Variants in MDGA2 observed in about 807,000 individuals in gnomAD.
The protein encoded by MDGA2 is MAM domain containing glycosylphosphatidylinositol anchor 2.
Under a neutral mutation model 117.8 loss-of-function variants are expected in MDGA2, and 40 were observed. The ratio of observed to expected loss-of-function variants is 0.34; its 90% CI spans 0.26 to 0.44. The LOEUF (loss-of-function observed/expected upper bound fraction) is 0.44, where lower values mean the gene tolerates loss of function less well. Ranked by LOEUF, MDGA2 falls within the 20% of genes least tolerant of loss-of-function variation. MDGA2 has a pLI of 1.00. For missense variants in MDGA2, 1,123 were observed against 1,250.6 expected (o/e 0.90, Z 1.54); for synonymous variants, 452 against 439.0 (o/e 1.03, Z -0.37).
intron 7 of MDGA2, among the ~76,000 whole-genome samples, chr14:47,041,493 T>G (rs1889067215): frequency 2.0e-5 from 3 of 152,044 alleles, no homozygotes; most frequent in Non-Finnish European, 4.4e-5. Context: ...CTCTAACATA[T>G]AGTATATATG....
intron 1 of MDGA2, among the ~76,000 whole-genome samples, chr14:47,608,467 A>G (rs755244444): frequency 2.6e-5 from 4 of 152,074 alleles, no homozygotes; most frequent in Non-Finnish European, 5.9e-5. Flanking sequence ...AAGAACATTC[A>G]AACAAAGGGA....
intron 1 of MDGA2, among the ~76,000 whole-genome samples, chr14:47,478,216 C>T (rs573920217): frequency 9.9e-5 from 15 of 152,156 alleles, no homozygotes; most frequent in Non-Finnish European, 2.2e-4. Flanking sequence ...AGCCAAACTT[C>T]AGTGCAGAGC....
intron 1 of MDGA2, among the ~76,000 whole-genome samples, chr14:47,459,067 G>A (rs1893425574): frequency 6.6e-6 from 1 of 151,642 alleles, no homozygotes. Context: ...ATCTCTAAAT[G>A]CCTATGGCTC....
chr14:47,306,395 T>C (rs1034546791), intron 1 of MDGA2, among the ~76,000 whole-genome samples: 4 of 152,188 alleles, frequency 2.6e-5, no homozygotes, highest in Admixed American at 6.5e-5. Context: ...TGGAGGGTTG[T>C]TGGCATGAGG....
chr14:46,981,948 T>G (rs1269929770), intron 8 of MDGA2, among the ~76,000 whole-genome samples: 3 of 152,200 alleles, frequency 2.0e-5, no homozygotes, highest in Non-Finnish European at 4.4e-5. Context: ...CTGACAGAAG[T>G]GATGGATAGG....
intron 5 of MDGA2, among the ~76,000 whole-genome samples, chr14:47,114,686 A>G (rs1335640705): frequency 1.3e-5 from 2 of 152,194 alleles, no homozygotes; most frequent in Admixed American, 1.3e-4. Context: ...TTCCCTATTT[A>G]ATATATAGTG....
chr14:46,980,979 T>G (rs1395685458), intron 8 of MDGA2, among the ~76,000 whole-genome samples: 1 of 152,212 alleles, frequency 6.6e-6, no homozygotes, highest in Non-Finnish European at 1.5e-5. Flanking sequence ...GAGGAATACC[T>G]GTGTTTCAAA....
chr14:46,926,406 A>C, intron 9 of MDGA2, among the ~76,000 whole-genome samples: 1 of 141,558 alleles, frequency 7.1e-6, no homozygotes, highest in East Asian at 2.0e-4. Context: ...CTTAAACGCC[A>C]ATGATGCACT....
chr14:47,459,052 G>A (rs1375033612), intron 1 of MDGA2, among the ~76,000 whole-genome samples: 1 of 151,510 alleles, frequency 6.6e-6, no homozygotes, highest in African/African-American at 2.4e-5. Flanking sequence ...TCTTTGACCA[G>A]AAAAATCTCT....
chr14:47,055,374 GAGATTC>G (rs1247713319), intron 7 of MDGA2, among the ~76,000 whole-genome samples: 1 of 151,958 alleles, frequency 6.6e-6, no homozygotes, highest in Admixed American at 6.6e-5. Flanking sequence ...AAGATCTAAT[GAGATTC>G]ATTTCCTCCT....
chr14:47,307,544 G>A (rs184061487), intron 1 of MDGA2, among the ~76,000 whole-genome samples: 303 of 152,156 alleles, frequency 2.0e-3, no homozygotes, highest in African/African-American at 6.9e-3. Context: ...AGCCAGGTGT[G>A]GTGGTGGGTG....
At chr14:46,924,394 T>A (rs1460528046) in intron 9 of MDGA2, among the ~76,000 whole-genome samples, 1 of 151,998 alleles carries the variant, frequency 6.6e-6, no homozygotes, top group African/African-American at 2.4e-5. Flanking sequence ...TTCAGTAAAG[T>A]CAATACAGAT....
chr14:47,503,651 G>A (rs537366718), intron 1 of MDGA2, among the ~76,000 whole-genome samples: 34 of 151,998 alleles, frequency 2.2e-4, no homozygotes, highest in East Asian at 1.9e-3. Context: ...TGATCTGCCC[G>A]CCTCGGCCTC....
intron 5 of MDGA2, among the ~76,000 whole-genome samples, chr14:47,121,549 G>A (rs1303206766): frequency 2.0e-5 from 3 of 151,986 alleles, no homozygotes; most frequent in Non-Finnish European, 4.4e-5. Context: ...AAAGAAAAAG[G>A]AAAATTGATG....
intron 1 of MDGA2, among the ~76,000 whole-genome samples, chr14:47,643,568 T>C (rs1411780255): frequency 6.6e-6 from 1 of 152,134 alleles, no homozygotes; most frequent in Non-Finnish European, 1.5e-5. Context: ...TGCATCTTTC[T>C]ATCACCAGCC....
At chr14:47,150,248 A>T (rs1178286401) in intron 3 of MDGA2, among the ~76,000 whole-genome samples, 1 of 152,200 alleles carries the variant, frequency 6.6e-6, no homozygotes, top group Non-Finnish European at 1.5e-5. Context: ...CCTTGTTCCC[A>T]ACCAGGGTTC....
intron 1 of MDGA2, among the ~76,000 whole-genome samples, chr14:47,674,257 T>G (rs954263792): frequency 6.6e-6 from 1 of 152,096 alleles, no homozygotes; most frequent in African/African-American, 2.4e-5. Flanking sequence ...ATAAATCAAG[T>G]GCAAAGCCGC....
At chr14:47,212,173 T>C (rs1885908363) in intron 3 of MDGA2, among the ~76,000 whole-genome samples, 1 of 152,190 alleles carries the variant, frequency 6.6e-6, no homozygotes, top group Non-Finnish European at 1.5e-5. Context: ...CAGAATGTAG[T>C]ACCAACATTC....
chr14:47,643,731 T>C (rs1897472073), intron 1 of MDGA2, among the ~76,000 whole-genome samples: 1 of 152,142 alleles, frequency 6.6e-6, no homozygotes, highest in Non-Finnish European at 1.5e-5. Flanking sequence ...TTTGATAGAA[T>C]AACAAAATGT....
Sources: allele counts gnomAD v4.1 joint callset (sites outside exome capture counted in the v4.1 genomes callset), GRCh38; gene constraint gnomAD v4.1.1; transcripts MANE v1.5; gene names NCBI Gene and HGNC (gene_info 2026-07-23, HGNC 2026-07-21).